LUZP2: variants seen among roughly 807,000 people sequenced by gnomAD.
LUZP2 encodes leucine zipper protein 2.
In LUZP2, 52 loss-of-function variants were observed where a neutral mutation model predicts 51.6. The observed-to-expected ratio is 1.01, with a 90% CI of 0.81 to 1.27. The LOEUF (loss-of-function observed/expected upper bound fraction) is 1.27. Ranked by LOEUF, LUZP2 falls within the 50% of genes most tolerant of loss-of-function variation. The pLI is 0.00. For missense variants in LUZP2, 436 were observed against 395.4 expected, an observed-to-expected ratio of 1.10 and a Z score of -0.87; for synonymous variants, 154 against 137.3, an observed-to-expected ratio of 1.12 and a Z score of -0.85.
At chr11:24,726,742 A>G (rs987821568) in intron 1 of LUZP2, among the ~76,000 whole-genome samples, 2 of 152,104 alleles carry the variant, frequency 1.3e-5, no homozygotes, top group African/African-American at 4.8e-5. Flanking sequence ...TAGACATGGA[A>G]AGTGCTCTAA....
chr11:25,081,843 G>T lies in LUZP2; in HGVS notation c.*3185G>T, dbSNP rs1041456201. The T allele has an allele frequency of 6.6e-6, 1 of 152,026 alleles. No homozygotes were observed. Among genetic ancestry groups the T allele is most frequent in the Non-Finnish European group, 1.5e-5 (1 of 67,972 alleles). 9.4% of individuals were successfully genotyped at this position (152,026 alleles called of 1,614,324 possible). A position where few individuals can be genotyped will look rare whatever the true frequency, so the allele number is the denominator to read the frequency against. The stretch of plus-strand genomic sequence containing the variant: ...GGAATTGATTCTTATTAAGAAAAAA[G>T]ATATTTTCCAATGGAGTAACTTGTT... On this transcript the variant is annotated 3_prime_UTR_variant, in exon 12 of 12. Coordinates refer to ENST00000336930, the MANE Select transcript of LUZP2 (RefSeq NM_001009909.4).
rs183660469 is a variant in LUZP2 at position 24,617,136 on chromosome 11, T to C, written c.63-112033T>C. The stretch of plus-strand genomic sequence containing the variant: ...GCTCAGGTGTTCCTGATGTTCATGG[T>C]GAGGCTATGCTATTTTTTCATTCTA... On this transcript the variant is annotated intron_variant, in intron 1 of 11. Coordinates refer to ENST00000336930, the MANE Select transcript of LUZP2 (RefSeq NM_001009909.4). 2.5e-4 allele frequency among the ~76,000 whole-genome samples: 38 copies of C among 152,328 alleles called. No homozygotes were observed. In the East Asian group the frequency reaches 6.6e-3, roughly 26 times the overall value.
chr11:24,568,669 T>G (rs1276277685), intron 1 of LUZP2, among the ~76,000 whole-genome samples: 2 of 151,948 alleles, frequency 1.3e-5, no homozygotes, highest in African/African-American at 4.8e-5. Context: ...CGAAAAGTAT[T>G]ACTCAAGCAT....
chr11:24,755,853 T>C (rs1433092228), intron 4 of LUZP2, among the ~76,000 whole-genome samples: 1 of 152,182 alleles, frequency 6.6e-6, no homozygotes, highest in Non-Finnish European at 1.5e-5. Flanking sequence ...AAATATGTTT[T>C]CTTACCATAT....
chr11:25,080,483 G>GA lies in LUZP2; in HGVS notation c.*1832dup, dbSNP rs5790455. 59,453 of 151,778 alleles carry GA rather than the reference G, an allele frequency of 0.39. 13,070 individuals carry two copies. Among genetic ancestry groups the GA allele is most frequent in the East Asian group, 0.87 (4,500 of 5,158 alleles). The allele number at this position is 151,778 out of a possible 1,614,324, so 9.4% of individuals were successfully genotyped here. On this transcript the variant is annotated 3_prime_UTR_variant, in exon 12 of 12. Transcript: ENST00000336930. ...TTTTTCATAAAACCGGCTACCCAAGGAAAAAAATAATTAGCTTTATGGATG... is the reference window on the plus strand; with the variant it reads ...TTTTTCATAAAACCGGCTACCCAAGGAAAAAAAATAATTAGCTTTATGGATG...
intron 5 of LUZP2, among the ~76,000 whole-genome samples, chr11:24,791,961 T>C (rs926626387): frequency 6.6e-6 from 1 of 151,586 alleles, no homozygotes. Context: ...GAGAGTCTTT[T>C]TTTTTTTTTC....
intron 9 of LUZP2, among the ~76,000 whole-genome samples, chr11:25,044,950 A>G (rs1858248040): frequency 6.6e-6 from 1 of 151,276 alleles, no homozygotes; most frequent in African/African-American, 2.4e-5. Flanking sequence ...TCAGCAAAGT[A>G]TCGCAAGGAC....
intron 5 of LUZP2, among the ~76,000 whole-genome samples, chr11:24,765,176 G>A (rs951102527): frequency 7.2e-5 from 11 of 152,062 alleles, no homozygotes; most frequent in African/African-American, 2.2e-4. Flanking sequence ...TAATCAGTAC[G>A]CATGTAGAGA....
chr11:25,029,136 A>G (rs1305915444), intron 9 of LUZP2, among the ~76,000 whole-genome samples: 1 of 152,152 alleles, frequency 6.6e-6, no homozygotes, highest in African/African-American at 2.4e-5. Flanking sequence ...CTACAAAAAG[A>G]AAATAGAAAG....
At chr11:24,868,946 G>C (rs1312604004) in intron 5 of LUZP2, among the ~76,000 whole-genome samples, 8 of 152,182 alleles carry the variant, frequency 5.3e-5, no homozygotes, top group Non-Finnish European at 1.2e-4. Flanking sequence ...ATTGTAGAGA[G>C]AGAACAAGTA....
At chr11:24,868,031 C>G (rs1366940485) in intron 5 of LUZP2, among the ~76,000 whole-genome samples, 1 of 152,122 alleles carries the variant, frequency 6.6e-6, no homozygotes, top group African/African-American at 2.4e-5. Flanking sequence ...TCACAGCTCT[C>G]ATTAGACCTT....
At chr11:24,727,720 G>C (rs1565101649) in intron 1 of LUZP2, among the ~76,000 whole-genome samples, 1 of 151,938 alleles carries the variant, frequency 6.6e-6, no homozygotes, top group Non-Finnish European at 1.5e-5. Context: ...CTGATTACTG[G>C]TTGACTACTG....
chr11:24,894,268 G>A (rs142021160), intron 5 of LUZP2, among the ~76,000 whole-genome samples: 1,884 of 148,228 alleles, frequency 0.013, 18 homozygotes, highest in South Asian at 0.038. Context: ...TCCGCCTCCC[G>A]GGTTCAAGCA....
intron 7 of LUZP2, among the ~76,000 whole-genome samples, chr11:24,921,958 T>C (rs959731821): frequency 6.6e-6 from 1 of 152,152 alleles, no homozygotes; most frequent in African/African-American, 2.4e-5. Flanking sequence ...AATGAAAGAA[T>C]TGAAGTCTAG....
intron 5 of LUZP2, among the ~76,000 whole-genome samples, chr11:24,857,811 A>G (rs1003792071): frequency 1.9e-4 from 29 of 152,048 alleles, no homozygotes; most frequent in African/African-American, 6.5e-4. Flanking sequence ...TAAGTATGAC[A>G]TTTTTTAAGC....
At position 24,575,935 on chromosome 11, in the gene LUZP2, T is replaced by C. The variant is rs919645889; in HGVS notation, c.62+78630T>C. Among the ~76,000 whole-genome samples the C allele has an allele frequency of 1.3e-4, 20 of 152,124 alleles. No homozygotes were observed. The South Asian group carries it at 1.4e-3, about 11-fold the overall frequency. Reference sequence around the variant, plus strand: ...TACTCTAGAAGTTGGAGATTTAAAGTTCATTTGGACAGATAGCCTGCATTC... The same window carrying C: ...TACTCTAGAAGTTGGAGATTTAAAGCTCATTTGGACAGATAGCCTGCATTC... On this transcript the variant is annotated intron_variant, in intron 1 of 11. Coordinates refer to ENST00000336930, the MANE Select transcript of LUZP2 (RefSeq NM_001009909.4).
intron 5 of LUZP2, among the ~76,000 whole-genome samples, chr11:24,825,138 G>T (rs1384067816): frequency 6.6e-6 from 1 of 152,000 alleles, no homozygotes; most frequent in South Asian, 2.1e-4. Context: ...TTAGTCTAAG[G>T]TGACATCTAG....
chr11:24,758,610 G>A (rs111937764), intron 4 of LUZP2, among the ~76,000 whole-genome samples: 4,445 of 152,080 alleles, frequency 0.029, 80 homozygotes, highest in African/African-American at 0.047. Flanking sequence ...AGTTGTAATT[G>A]AAGTTTGGAT....
intron 5 of LUZP2, among the ~76,000 whole-genome samples, chr11:24,783,064 C>T (rs778198168): frequency 1.8e-4 from 27 of 151,962 alleles, no homozygotes; most frequent in Non-Finnish European, 5.9e-5. Flanking sequence ...TGTTCTCAAC[C>T]CTCATGACTA....
Sources: allele counts gnomAD v4.1 joint callset (sites outside exome capture counted in the v4.1 genomes callset), GRCh38; gene constraint gnomAD v4.1.1; transcripts MANE v1.5; gene names NCBI Gene and HGNC (gene_info 2026-07-23, HGNC 2026-07-21).